The following MBOAT2 variants were observed in gnomAD, a reference collection of about 807,000 sequenced individuals.
MBOAT2 encodes the protein membrane-bound glycerophospholipid O-acyltransferase 2.
MBOAT2 carries 28 observed loss-of-function variants against 63.4 expected under a neutral mutation model. The ratio of observed to expected loss-of-function variants is 0.44; its 90% CI spans 0.33 to 0.61. The LOEUF (loss-of-function observed/expected upper bound fraction) is 0.61, where lower values mean the gene tolerates loss of function less well. Ranked by LOEUF, MBOAT2 falls within the 20% of genes least tolerant of loss-of-function variation. The pLI is 0.03. For missense variants in MBOAT2, 470 were observed against 605.8 expected, an observed-to-expected ratio of 0.78 and a Z score of 2.35; for synonymous variants, 211 against 215.6, an observed-to-expected ratio of 0.98 and a Z score of 0.19.
chr2:8,894,862 G>A (rs766405564), intron 4 of MBOAT2, among the ~76,000 whole-genome samples: 4 of 151,474 alleles, frequency 2.6e-5, no homozygotes, highest in Admixed American at 6.6e-5. Context: ...TCTTAAAGGC[G>A]GCACGTCTGG....
chr2:8,860,836 T>C (rs770296172), intron 11 of MBOAT2, 72 bp from the exon 12 acceptor site: 68 of 1,207,286 alleles, frequency 5.6e-5, no homozygotes, highest in Non-Finnish European at 6.9e-5. Flanking sequence ...ACTGGTGATA[T>C]CAACTGTTGG....
intron 6 of MBOAT2, among the ~76,000 whole-genome samples, chr2:8,877,719 G>A (rs1662797756): frequency 1.3e-5 from 2 of 152,232 alleles, no homozygotes; most frequent in African/African-American, 4.8e-5. Flanking sequence ...CTATTAAGAA[G>A]TCAGAGAAGG....
intron 4 of MBOAT2, among the ~76,000 whole-genome samples, chr2:8,901,154 T>C (rs6726674): frequency 0.1 from 15,526 of 151,130 alleles, 932 homozygotes; most frequent in African/African-American, 0.17. Context: ...GAACCTGCAA[T>C]GGTCCCTGGA....
intron 3 of MBOAT2, among the ~76,000 whole-genome samples, chr2:8,928,221 A>C (rs998750048): frequency 1.3e-5 from 2 of 152,154 alleles, no homozygotes; most frequent in Non-Finnish European, 2.9e-5. Context: ...GAGATTTGGG[A>C]GGGGACACAG....
At chr2:8,971,282 C>T (rs551313926) in intron 1 of MBOAT2, among the ~76,000 whole-genome samples, 7 of 152,222 alleles carry the variant, frequency 4.6e-5, no homozygotes, top group Admixed American at 1.3e-4. Flanking sequence ...ATTATCTCAA[C>T]AGATGCAGAA....
chr2:8,891,754 T>G (rs1024714591), intron 4 of MBOAT2, among the ~76,000 whole-genome samples: 17 of 152,026 alleles, frequency 1.1e-4, no homozygotes, highest in Non-Finnish European at 2.5e-4. Flanking sequence ...CTGAAGAAGG[T>G]AGGAGAGGCA....
At chr2:8,886,687 C>A (rs890866690) in intron 5 of MBOAT2, among the ~76,000 whole-genome samples, 1 of 152,194 alleles carries the variant, frequency 6.6e-6, no homozygotes, top group African/African-American at 2.4e-5. Flanking sequence ...TTTAAAAGAA[C>A]AGGTTACAAA....
At chr2:8,913,927 G>A (rs1193302069) in intron 3 of MBOAT2, among the ~76,000 whole-genome samples, 3 of 152,168 alleles carry the variant, frequency 2.0e-5, no homozygotes, top group Admixed American at 2.0e-4. Flanking sequence ...CAACCCAAAT[G>A]CCCACCAATC....
chr2:8,915,635 G>A (rs895913296), intron 3 of MBOAT2, among the ~76,000 whole-genome samples: 2 of 152,054 alleles, frequency 1.3e-5, no homozygotes, highest in Non-Finnish European at 2.9e-5. Flanking sequence ...AAGGGTGTTG[G>A]GGAAAGCCTT....
chr2:8,958,562 G>C lies in MBOAT2; in HGVS notation c.156C>G (p.Ser52Arg). Residue 52 changes from serine to arginine, a missense_variant, in exon 2 of 13, where the codon AGC becomes AGG. By Grantham distance (110) the Ser-to-Arg change is moderately radical. Coordinates refer to ENST00000305997, the MANE Select transcript of MBOAT2 (RefSeq NM_138799.4). ...TAGCAACTACATGTCTTATAAAAGAGCTAGTTTTGCTTGAATGTAGATAAG... is the reference window on the plus strand; with the variant it reads ...TAGCAACTACATGTCTTATAAAAGACCTAGTTTTGCTTGAATGTAGATAAG... ...FRTYLHSSKT[S>R]SFIRHVVATL... 1 of 1,611,892 alleles carries C rather than the reference G, an allele frequency of 6.2e-7. No individual in the cohort carries two copies. Among genetic ancestry groups the C allele is most frequent in the South Asian group, 1.1e-5 (1 of 90,274 alleles).
intron 1 of MBOAT2, among the ~76,000 whole-genome samples, chr2:8,969,175 G>A (rs918530074): frequency 6.6e-6 from 1 of 152,022 alleles, no homozygotes; most frequent in Non-Finnish European, 1.5e-5. Context: ...CGGATCTCTC[G>A]GCAGAAACTC....
rs1039132980 is a variant in MBOAT2, at chr2:8,858,670, C to G, written c.*9G>C. The G allele has an allele frequency of 1.3e-5, 21 of 1,586,184 alleles. No individual in the cohort carries two copies. The highest frequency in any genetic ancestry group is 1.7e-5 in the Non-Finnish European group (20 of 1,163,784). On this transcript the variant is annotated 3_prime_UTR_variant, in exon 13 of 13. Transcript: ENST00000305997. ...CAAAAAAAAAAAACAGCCCTCAGAG[C>G]CTTCCCGATCACTGCTTTAGTGATG...
chr2:8,884,485 TAA>T (rs58668120), intron 5 of MBOAT2, among the ~76,000 whole-genome samples: 4 of 142,444 alleles, frequency 2.8e-5, no homozygotes, highest in Admixed American at 7.0e-5. Context: ...ACCTTTTCCT[TAA>T]AAAAAAAAAA....
intron 4 of MBOAT2, among the ~76,000 whole-genome samples, chr2:8,907,434 ATAAC>A (rs1274582343): frequency 6.6e-6 from 1 of 152,234 alleles, no homozygotes. Flanking sequence ...TTAAACTTAT[ATAAC>A]TATTTCCCAA....
At chr2:8,876,045 C>A (rs550297953) in intron 7 of MBOAT2, among the ~76,000 whole-genome samples, 1 of 152,304 alleles carries the variant, frequency 6.6e-6, no homozygotes, top group Non-Finnish European at 1.5e-5. Context: ...ACAGAAAACA[C>A]ACCAGCCCCT....
At chr2:8,902,137 G>A (rs1202296485) in intron 4 of MBOAT2, among the ~76,000 whole-genome samples, 2 of 152,020 alleles carry the variant, frequency 1.3e-5, no homozygotes, top group Non-Finnish European at 2.9e-5. Flanking sequence ...CAACTCCTAA[G>A]AGTCAGGGGT....
At chr2:8,894,709 C>T (rs946956526) in intron 4 of MBOAT2, among the ~76,000 whole-genome samples, 1 of 152,256 alleles carries the variant, frequency 6.6e-6, no homozygotes, top group African/African-American at 2.4e-5. Flanking sequence ...CAGACCCTCA[C>T]GGTGACAGTT....
At chr2:8,928,782 A>G (rs1475126539) in intron 3 of MBOAT2, among the ~76,000 whole-genome samples, 1 of 152,232 alleles carries the variant, frequency 6.6e-6, no homozygotes, top group Non-Finnish European at 1.5e-5. Flanking sequence ...TGCAAATCAC[A>G]TATCATATAG....
chr2:8,978,664 G>C (rs567243650), intron 1 of MBOAT2, among the ~76,000 whole-genome samples: 9 of 152,024 alleles, frequency 5.9e-5, no homozygotes, highest in African/African-American at 9.7e-5. Context: ...GGCCAGTCAG[G>C]GGGTGGGGAG....
Sources: allele counts gnomAD v4.1 joint callset (sites outside exome capture counted in the v4.1 genomes callset), GRCh38; gene constraint gnomAD v4.1.1; transcripts MANE v1.5; gene names NCBI Gene and HGNC (gene_info 2026-07-23, HGNC 2026-07-21).